Variants in FUT9 observed in about 807,000 individuals in gnomAD.
FUT9 encodes fucosyltransferase 9.
In FUT9, 15 loss-of-function variants were observed where a neutral mutation model predicts 29.7. That is an observed-to-expected ratio of 0.51 (90% CI 0.34 to 0.78). The LOEUF is 0.78. Among genes scored for constraint, FUT9 ranks in the 30% least tolerant of loss-of-function variants. FUT9 has a pLI of 0.01. For synonymous variants in FUT9, 169 were observed against 153.7 expected (o/e 1.10, Z -0.74); for missense variants, 319 against 425.4 (o/e 0.75, Z 2.20).
At position 96,206,165 on chromosome 6, in the gene FUT9, A is replaced by C. The variant is rs1448243360; in HGVS notation, c.*1930A>C. ...TGATTTAATGGGGAAAAAAAGTAGAAAATTTCCCCAATTGCTTAGCTGTTT... is the reference window on the plus strand; with the variant it reads ...TGATTTAATGGGGAAAAAAAGTAGACAATTTCCCCAATTGCTTAGCTGTTT... On this transcript the variant is annotated 3_prime_UTR_variant, in exon 3 of 3. Coordinates refer to ENST00000302103, the MANE Select transcript of FUT9 (RefSeq NM_006581.4). 1.2e-5 allele frequency: 2 copies of C among 167,024 alleles called. No individual in the cohort carries two copies. The highest frequency in any genetic ancestry group is 2.9e-5 in the Non-Finnish European group (2 of 68,094). 10.3% of individuals were successfully genotyped at this position (167,024 alleles called of 1,614,324 possible). A position where few individuals can be genotyped will look rare whatever the true frequency, so the allele number is the denominator to read the frequency against.
At chr6:96,136,303 CATG>C (rs1457374249) in intron 2 of FUT9, among the ~76,000 whole-genome samples, 1 of 151,692 alleles carries the variant, frequency 6.6e-6, no homozygotes, top group Non-Finnish European at 1.5e-5. Context: ...TAGCTTTGAG[CATG>C]ATATGTTGAT....
intron 2 of FUT9, among the ~76,000 whole-genome samples, chr6:96,127,041 A>T (rs1241800672): frequency 6.6e-6 from 1 of 152,164 alleles, no homozygotes; most frequent in Non-Finnish European, 1.5e-5. Flanking sequence ...GTTTTTTTAA[A>T]CATTTATTGG....
rs1021014808 is a variant in FUT9 at position 96,159,925 on chromosome 6, A to G, written c.-8-43223A>G. ...GTTATGGCCACAGCTACTTTCTGCT[A>G]TTCTACTTTATATTCATTGATTATA... On this transcript the variant is annotated intron_variant, in intron 2 of 2. Transcript: ENST00000302103. 5.3e-5 allele frequency among the ~76,000 whole-genome samples: 8 copies of G among 152,170 alleles called. No homozygotes were observed. The East Asian group carries it at 1.5e-3, about 29-fold the overall frequency.
chr6:96,097,242 T>A (rs1771516110), intron 1 of FUT9, among the ~76,000 whole-genome samples: 1 of 152,240 alleles, frequency 6.6e-6, no homozygotes, highest in Admixed American at 6.5e-5. Flanking sequence ...TTAGTCGTCT[T>A]TATAACCCTG....
intron 2 of FUT9, among the ~76,000 whole-genome samples, chr6:96,157,658 T>C (rs766471753): frequency 2.0e-5 from 3 of 152,172 alleles, no homozygotes; most frequent in Non-Finnish European, 4.4e-5. Context: ...ATGAAGACTA[T>C]AAAACTAATT....
At chr6:96,180,444 C>A (rs552597223) in intron 2 of FUT9, among the ~76,000 whole-genome samples, 70 of 152,066 alleles carry the variant, frequency 4.6e-4, no homozygotes, top group African/African-American at 1.7e-3. Context: ...CCCACATAGT[C>A]CAGAAACCAG....
chr6:96,171,191 G>A (rs1434795604), intron 2 of FUT9, among the ~76,000 whole-genome samples: 2 of 152,196 alleles, frequency 1.3e-5, no homozygotes, highest in East Asian at 3.8e-4. Context: ...TTCTGAGGAG[G>A]CTTCAGAGCT....
chr6:96,078,980 T>G (rs1481570000), intron 1 of FUT9, among the ~76,000 whole-genome samples: 1 of 152,174 alleles, frequency 6.6e-6, no homozygotes, highest in African/African-American at 2.4e-5. Flanking sequence ...TAAACATATA[T>G]TCCTGTGGCT....
At chr6:96,159,968 C>A (rs1196234448) in intron 2 of FUT9, among the ~76,000 whole-genome samples, 2 of 152,086 alleles carry the variant, frequency 1.3e-5, no homozygotes, top group Non-Finnish European at 2.9e-5. Flanking sequence ...TATAATTTTT[C>A]ATTAGCTTAA....
intron 2 of FUT9, among the ~76,000 whole-genome samples, chr6:96,121,040 T>C (rs1332231845): frequency 6.6e-6 from 1 of 152,196 alleles, no homozygotes; most frequent in East Asian, 1.9e-4. Flanking sequence ...CAGAATCCTG[T>C]GGAACTCCAA....
intron 2 of FUT9, among the ~76,000 whole-genome samples, chr6:96,131,746 A>G (rs2127969433): frequency 6.6e-6 from 1 of 152,262 alleles, no homozygotes; most frequent in East Asian, 1.9e-4. Flanking sequence ...AACTTTGCAG[A>G]CATTATGGAA....
At chr6:96,047,316 A>C (rs913457624) in intron 1 of FUT9, among the ~76,000 whole-genome samples, 1 of 152,206 alleles carries the variant, frequency 6.6e-6, no homozygotes, top group Non-Finnish European at 1.5e-5. Context: ...AGCTATATTT[A>C]AGCTTCATTG....
At chr6:96,093,773 C>A (rs1036611739) in intron 1 of FUT9, among the ~76,000 whole-genome samples, 2 of 152,056 alleles carry the variant, frequency 1.3e-5, no homozygotes, top group African/African-American at 4.8e-5. Flanking sequence ...AAGAACCTTA[C>A]ACACACCATC....
At chr6:96,132,217 A>C (rs1017533498) in intron 2 of FUT9, among the ~76,000 whole-genome samples, 1 of 151,994 alleles carries the variant, frequency 6.6e-6, no homozygotes, top group African/African-American at 2.4e-5. Context: ...TTTATGGGAG[A>C]TAGGAATTCT....
At position 96,215,100 on chromosome 6, in the gene FUT9, C is replaced by T. The variant is rs1176078854; in HGVS notation, c.*10865C>T. Reference sequence around the variant, plus strand: ...GCACTTAGTTTGCTACCACATTGTTCCCTTCATTGATTGAAACTGTAAATA... The same window carrying T: ...GCACTTAGTTTGCTACCACATTGTTTCCTTCATTGATTGAAACTGTAAATA... On this transcript the variant is annotated 3_prime_UTR_variant, in exon 3 of 3. Coordinates refer to ENST00000302103, the MANE Select transcript of FUT9 (RefSeq NM_006581.4). 6.0e-6 allele frequency: 1 copy of T among 166,936 alleles called. No individual in the cohort carries two copies. The highest frequency in any genetic ancestry group is 2.1e-4 in the South Asian group (1 of 4,830). 10.3% of individuals were successfully genotyped at this position (166,936 alleles called of 1,614,324 possible).
intron 2 of FUT9, among the ~76,000 whole-genome samples, chr6:96,192,500 G>A (rs1467632585): frequency 3.9e-5 from 6 of 152,124 alleles, no homozygotes; most frequent in Non-Finnish European, 8.8e-5. Flanking sequence ...TACGAGGGAT[G>A]TGAAGGACCT....
intron 1 of FUT9, among the ~76,000 whole-genome samples, chr6:96,093,959 C>T (rs1238077243): frequency 6.6e-6 from 1 of 152,014 alleles, no homozygotes; most frequent in African/African-American, 2.4e-5. Flanking sequence ...GCATTGCGAG[C>T]CAAGGATATG....
At chr6:96,059,620 C>T (rs1019954965) in intron 1 of FUT9, among the ~76,000 whole-genome samples, 1 of 152,078 alleles carries the variant, frequency 6.6e-6, no homozygotes, top group Non-Finnish European at 1.5e-5. Context: ...ACCAGCTATC[C>T]ATTTCATTAC....
chr6:96,114,863 A>G (rs530737615), intron 2 of FUT9, among the ~76,000 whole-genome samples: 10 of 152,182 alleles, frequency 6.6e-5, no homozygotes, highest in Non-Finnish European at 1.2e-4. Flanking sequence ...AAAGCAAGCT[A>G]TGGACTGGAG....
Sources: gnomAD v4.1 joint callset for allele counts (sites outside exome capture counted in the v4.1 genomes callset) on GRCh38, gnomAD v4.1.1 for gene constraint, MANE v1.5 for transcripts, NCBI Gene and HGNC (gene_info 2026-07-23, HGNC 2026-07-21) for gene names.